AFF4: variants seen among roughly 807,000 people sequenced by gnomAD.
The protein encoded by AFF4 is AF4/FMR2 family member 4.
AFF4 carries 13 observed loss-of-function variants against 124.8 expected under a neutral mutation model. The ratio of observed to expected loss-of-function variants is 0.10; its 90% CI spans 0.07 to 0.17. AFF4 has a LOEUF of 0.17. AFF4 is among the 10% of genes least tolerant of loss of function. The pLI, the probability that AFF4 is intolerant of heterozygous loss-of-function variation, is 1.00. For missense variants in AFF4, 1,092 were observed against 1,403.8 expected (o/e 0.78, Z 3.55); for synonymous variants, 477 against 496.1 (o/e 0.96, Z 0.51).
intron 5 of AFF4, among the ~76,000 whole-genome samples, chr5:132,906,845 A>G (rs573389504): frequency 6.6e-6 from 1 of 152,264 alleles, no homozygotes; most frequent in South Asian, 2.1e-4. Context: ...TATGCAGGTA[A>G]TCCCAATACT....
chr5:132,942,843 G>C (rs1215863233), intron 1 of AFF4: 1 of 170,336 alleles, frequency 5.9e-6, no homozygotes, highest in Non-Finnish European at 1.3e-5. Flanking sequence ...TGTAATCCCA[G>C]CAGTTTGGGA....
At chr5:132,887,500 G>C (rs758356951) in intron 17 of AFF4, 21 bp downstream of exon 17, 1 of 1,603,334 alleles carries the variant, frequency 6.2e-7, no homozygotes, top group African/African-American at 1.3e-5. Context: ...TCTAGCAGAG[G>C]CTAGAACACA....
chr5:132,920,971 C>CA (rs1294158287), intron 5 of AFF4, among the ~76,000 whole-genome samples: 5 of 151,732 alleles, frequency 3.3e-5, no homozygotes, highest in African/African-American at 1.2e-4. Context: ...ACTAAAAATA[C>CA]AAAAAATTAG....
chr5:132,930,433 A>G (rs1239540267), intron 4 of AFF4, among the ~76,000 whole-genome samples: 1 of 152,210 alleles, frequency 6.6e-6, no homozygotes, highest in Non-Finnish European at 1.5e-5. Flanking sequence ...AATACATAGC[A>G]GAAAGAATAA....
chr5:132,951,634 T>C (rs1761844757), intron 1 of AFF4, among the ~76,000 whole-genome samples: 1 of 152,182 alleles, frequency 6.6e-6, no homozygotes, highest in Non-Finnish European at 1.5e-5. Flanking sequence ...TTCAAGCAAT[T>C]CTTCTGCCTC....
intron 9 of AFF4, 76 bp downstream of exon 9, chr5:132,899,028 C>A: frequency 1.6e-6 from 2 of 1,272,316 alleles, no homozygotes. Context: ...CTTATAAGGC[C>A]ACTTATTATA....
At chr5:132,901,821 A>G (rs1760559465) in intron 7 of AFF4, among the ~76,000 whole-genome samples, 1 of 152,226 alleles carries the variant, frequency 6.6e-6, no homozygotes. Context: ...CCATGATCTC[A>G]GAGCAAAGGT....
chr5:132,914,904 T>C (rs961173005), intron 5 of AFF4, among the ~76,000 whole-genome samples: 6 of 152,130 alleles, frequency 3.9e-5, no homozygotes, highest in African/African-American at 4.8e-5. Flanking sequence ...TTGAAAGATA[T>C]AAACAACGAA....
intron 5 of AFF4, among the ~76,000 whole-genome samples, chr5:132,906,103 C>T (rs1054017925): frequency 6.6e-6 from 1 of 152,120 alleles, no homozygotes; most frequent in African/African-American, 2.4e-5. Flanking sequence ...TGACTAGAAT[C>T]AAAAAGACAG....
intron 5 of AFF4, 39 bp from the exon 6 acceptor site, chr5:132,904,443 A>C: frequency 6.4e-7 from 1 of 1,553,270 alleles, no homozygotes; most frequent in South Asian, 1.2e-5. Context: ...AAGTTACACT[A>C]AAAAAGAAAG....
chr5:132,892,132 T>C lies in AFF4; in HGVS notation c.2637+32A>G, dbSNP rs201404281. ...AAAAGTCACATGGCAAGTTGAATGA[T>C]TTTCAAAAGCCCCAGGCCCCCAACA... is the stretch of plus-strand genomic sequence containing the variant. On this transcript the variant is annotated intron_variant, in intron 13 of 20. Coordinates refer to ENST00000265343, the MANE Select transcript of AFF4 (RefSeq NM_014423.4). 4.8e-4 allele frequency: 776 copies of C among 1,614,072 alleles called. 1 individual carries two copies. In the Middle Eastern group the frequency reaches 4.9e-3, roughly 10 times the overall value.
chr5:132,955,228 T>C (rs1753016112), intron 1 of AFF4, among the ~76,000 whole-genome samples: 1 of 152,134 alleles, frequency 6.6e-6, no homozygotes, highest in Admixed American at 6.6e-5. Flanking sequence ...CTTGGAGTTT[T>C]TATGGGTACA....
In AFF4 at chr5:132,883,494, T is replaced by C; in HGVS notation, c.3210A>G (p.Ser1070=). The C allele has an allele frequency of 2.5e-6, 4 of 1,614,048 alleles. No individual in the cohort carries two copies. Among genetic ancestry groups the C allele is most frequent in the Non-Finnish European group, 3.4e-6 (4 of 1,180,014 alleles). The change falls in exon 20 of 21, where the codon TCA becomes TCG. Residue 1070 remains serine (S), a synonymous_variant. Transcript: ENST00000265343. ...TTGCAGAAGCACTACTGGCCCCAGA[T>C]GAATAATTTCCTGAATTGCCTGGTG... is the stretch of plus-strand genomic sequence containing the variant. ...KLSPGNSGNY[S]SGASSASASG... is the part of the protein sequence containing the mutation.
intron 20 of AFF4, 36 bp from the exon 21 acceptor site, chr5:132,881,222 C>A (rs1759969807): frequency 6.2e-7 from 1 of 1,603,268 alleles, no homozygotes; most frequent in Non-Finnish European, 8.5e-7. Context: ...ATGATATATA[C>A]TCTTTTGAAT....
At chr5:132,952,498 C>T (rs2150111381) in intron 1 of AFF4, among the ~76,000 whole-genome samples, 1 of 152,344 alleles carries the variant, frequency 6.6e-6, no homozygotes, top group South Asian at 2.1e-4. Flanking sequence ...CTCTTCCCAT[C>T]CTACCTACCA....
intron 5 of AFF4, among the ~76,000 whole-genome samples, chr5:132,913,968 C>T (rs1036640612): frequency 2.0e-5 from 3 of 152,170 alleles, no homozygotes; most frequent in South Asian, 2.1e-4. Flanking sequence ...AGGCTCACCC[C>T]TGTAATCCCA....
chr5:132,937,121 C>T lies in AFF4; in HGVS notation c.69G>A (p.Gln23=). 3 of 1,613,992 alleles carry T rather than the reference C, an allele frequency of 1.9e-6. No homozygotes were observed. Among genetic ancestry groups the T allele is most frequent in the Non-Finnish European group, 2.5e-6 (3 of 1,179,972 alleles). Residue 23 remains glutamine, a synonymous_variant, in exon 2 of 21, where the codon CAG becomes CAA. Coordinates refer to ENST00000265343, the MANE Select transcript of AFF4 (RefSeq NM_014423.4). ...AGCTAGGTGGGAAGGCGTCTTCGCC[C>T]TGCTGAATTTCCTGATTCCGCCTTT... The part of the protein sequence containing the change: ...ERERRNQEIQ[Q]GEDAFPPSSP...
intron 1 of AFF4, among the ~76,000 whole-genome samples, chr5:132,939,797 G>T (rs974823730): frequency 2.2e-3 from 341 of 152,252 alleles, no homozygotes; most frequent in African/African-American, 7.9e-3. Flanking sequence ...TTTTAGTAGC[G>T]ATGGGGTTTC....
At position 132,879,334 on chromosome 5, in the gene AFF4, CT is replaced by C; in HGVS notation, c.*1724del. On this transcript the variant is annotated 3_prime_UTR_variant, in exon 21 of 21. Transcript: ENST00000265343. ...TTCTTTCCCCTTTCCTATTTCAAGCCTTAGCAATCATCTACAAATAGTAGGA... is the reference window on the plus strand; with the variant it reads ...TTCTTTCCCCTTTCCTATTTCAAGCCTAGCAATCATCTACAAATAGTAGGA... The C allele has an allele frequency of 9.4e-6, 2 of 213,578 alleles. No homozygotes were observed. Among genetic ancestry groups the C allele is most frequent in the Non-Finnish European group, 1.9e-5 (2 of 105,486 alleles). The allele number at this position is 213,578 out of a possible 1,614,324, so 13.2% of individuals were successfully genotyped here.
Sources: gnomAD v4.1 joint callset for allele counts (sites outside exome capture counted in the v4.1 genomes callset) on GRCh38, gnomAD v4.1.1 for gene constraint, MANE v1.5 for transcripts, NCBI Gene and HGNC (gene_info 2026-07-23, HGNC 2026-07-21) for gene names.